The following DNER variants were observed in gnomAD, a reference collection of about 807,000 sequenced individuals.
DNER encodes delta/notch like EGF repeat containing.
In DNER, 33 loss-of-function variants were observed where a neutral mutation model predicts 78.2. The observed-to-expected ratio is 0.42, with a 90% confidence interval of 0.32 to 0.56. The LOEUF is 0.56. DNER is among the 20% of genes least tolerant of loss of function. DNER has a pLI of 0.11. For missense variants in DNER, 918 were observed against 975.3 expected (o/e 0.94, Z 0.78); for synonymous variants, 417 against 384.8 (o/e 1.08, Z -0.98).
chr2:229,597,101 ATGCACACACACATGCACACACACACAG>A (rs1379690509), intron 1 of DNER, among the ~76,000 whole-genome samples: 1 of 62,344 alleles, frequency 1.6e-5, no homozygotes, highest in Admixed American at 1.9e-4. Flanking sequence ...GCACACACAC[ATGCACACACACATGCACACACACACAG>A]GAGTACGAGG....
chr2:229,631,718 A>G (rs1037363126), intron 1 of DNER, among the ~76,000 whole-genome samples: 1 of 152,246 alleles, frequency 6.6e-6, no homozygotes, highest in African/African-American at 2.4e-5. Context: ...ATTCTGCACC[A>G]GAAATGCCTG....
intron 10 of DNER, among the ~76,000 whole-genome samples, chr2:229,401,220 G>A (rs961216546): frequency 2.0e-5 from 3 of 151,970 alleles, no homozygotes; most frequent in East Asian, 1.9e-4. Context: ...CTCAGACATC[G>A]TTGGTGGGGA....
chr2:229,378,146 C>G (rs190300245), intron 11 of DNER, among the ~76,000 whole-genome samples: 1 of 152,266 alleles, frequency 6.6e-6, no homozygotes, highest in South Asian at 2.1e-4. Flanking sequence ...CAAGGGGAGA[C>G]AAGTTCTCCC....
intron 1 of DNER, among the ~76,000 whole-genome samples, chr2:229,615,729 T>C (rs1698146665): frequency 6.6e-6 from 1 of 151,878 alleles, no homozygotes; most frequent in Admixed American, 6.6e-5. Flanking sequence ...AAAAAAGAAC[T>C]GTTTTGTAGA....
intron 6 of DNER, among the ~76,000 whole-genome samples, chr2:229,485,778 T>A (rs528315048): frequency 2.6e-5 from 4 of 152,272 alleles, no homozygotes; most frequent in Admixed American, 1.3e-4. Flanking sequence ...ACAGTTGTTT[T>A]TGTGTATGAT....
intron 5 of DNER, among the ~76,000 whole-genome samples, chr2:229,517,956 A>G (rs1696013941): frequency 6.6e-6 from 1 of 152,190 alleles, no homozygotes; most frequent in Non-Finnish European, 1.5e-5. Context: ...TTGCGCCAGA[A>G]AAGACCTGAA....
intron 4 of DNER, among the ~76,000 whole-genome samples, chr2:229,565,507 A>G (rs550797491): frequency 2.2e-4 from 34 of 152,340 alleles, no homozygotes; most frequent in Non-Finnish European, 4.3e-4. Flanking sequence ...GCTACCATTC[A>G]TAGGATTTGA....
intron 1 of DNER, among the ~76,000 whole-genome samples, chr2:229,710,991 A>G (rs961182033): frequency 6.0e-5 from 9 of 150,046 alleles, no homozygotes; most frequent in East Asian, 2.0e-4. Flanking sequence ...GCGCACACAC[A>G]CACACACACA....
chr2:229,588,351 C>A, intron 3 of DNER, 43 bp downstream of exon 3: 5 of 1,587,570 alleles, frequency 3.1e-6, no homozygotes, highest in Non-Finnish European at 4.3e-6. Context: ...ACTTATAGGT[C>A]ATAGCATCAC....
Position 229,628,075 on chromosome 2 carries a change from C to T in DNER, c.277-36187G>A, listed in dbSNP as rs559479746. Among the ~76,000 whole-genome samples, 141 of 152,298 alleles carry T rather than the reference C, an allele frequency of 9.3e-4. 2 individuals are homozygous for T. The highest frequency in any genetic ancestry group is 3.2e-3 in the African/African-American group (135 of 41,554). On this transcript the variant is annotated intron_variant, in intron 1 of 12. Coordinates refer to ENST00000341772, the MANE Select transcript of DNER (RefSeq NM_139072.4). ...CATGCCAGGTCCAGGAAGGCCCTCG[C>T]CTGGTCCAGTAGCTACTACTTCCTG... is the stretch of plus-strand genomic sequence containing the variant.
At position 229,430,418 on chromosome 2, in the gene DNER, C is replaced by T. The variant is rs182417884; in HGVS notation, c.1487-12188G>A. On this transcript the variant is annotated intron_variant, in intron 8 of 12. Transcript: ENST00000341772. ...GGAGATTAACATTTGAGTCAGTGGG[C>T]TGGGAAAGGCAGATCCACCCTTAAT... is the stretch of plus-strand genomic sequence containing the variant. Among the ~76,000 whole-genome samples, 11 of 152,188 alleles carry T rather than the reference C, an allele frequency of 7.2e-5. No homozygotes were observed. In the East Asian group the frequency reaches 2.1e-3, roughly 29 times the overall value.
chr2:229,656,926 T>C (rs1324066936), intron 1 of DNER, among the ~76,000 whole-genome samples: 2 of 152,014 alleles, frequency 1.3e-5, no homozygotes, highest in East Asian at 1.9e-4. Flanking sequence ...TACACATATA[T>C]ATTGTAAAGT....
intron 7 of DNER, among the ~76,000 whole-genome samples, chr2:229,468,440 C>T (rs947713113): frequency 4.6e-5 from 7 of 152,144 alleles, no homozygotes; most frequent in African/African-American, 1.7e-4. Context: ...GCAGCCCCTA[C>T]ACTCGATGGA....
intron 6 of DNER, among the ~76,000 whole-genome samples, chr2:229,497,479 A>G (rs1242149908): frequency 1.3e-5 from 2 of 152,238 alleles, no homozygotes; most frequent in South Asian, 2.1e-4. Context: ...TAGAAAAACA[A>G]TAGGAAAAAT....
intron 1 of DNER, among the ~76,000 whole-genome samples, chr2:229,693,975 T>G (rs1338178465): frequency 6.6e-6 from 1 of 152,136 alleles, no homozygotes; most frequent in Non-Finnish European, 1.5e-5. Context: ...CCTGGAGGCC[T>G]AGGAGGGAAA....
chr2:229,503,596 A>G (rs147904447), intron 6 of DNER, among the ~76,000 whole-genome samples: 50 of 152,364 alleles, frequency 3.3e-4, no homozygotes, highest in African/African-American at 1.1e-3. Flanking sequence ...TTGGAACCCA[A>G]TGAGATAAAA....
At chr2:229,425,317 T>C (rs1693849194) in intron 8 of DNER, among the ~76,000 whole-genome samples, 1 of 152,164 alleles carries the variant, frequency 6.6e-6, no homozygotes, top group Non-Finnish European at 1.5e-5. Flanking sequence ...GGATTGGGAC[T>C]CCTCTCTGTG....
At chr2:229,654,865 A>G (rs1256270214) in intron 1 of DNER, among the ~76,000 whole-genome samples, 2 of 152,294 alleles carry the variant, frequency 1.3e-5, no homozygotes, top group East Asian at 3.9e-4. Flanking sequence ...CTGACATGTT[A>G]CTTTTCATCA....
intron 11 of DNER, among the ~76,000 whole-genome samples, chr2:229,370,947 G>A (rs1692467864): frequency 6.6e-6 from 1 of 152,148 alleles, no homozygotes; most frequent in East Asian, 1.9e-4. Flanking sequence ...AACCATACTG[G>A]GCTATGTGCT....
Sources: allele counts gnomAD v4.1 joint callset (sites outside exome capture counted in the v4.1 genomes callset), GRCh38; gene constraint gnomAD v4.1.1; transcripts MANE v1.5; gene names NCBI Gene and HGNC (gene_info 2026-07-23, HGNC 2026-07-21).